The following PRKD1 variants were observed in gnomAD, a reference collection of about 807,000 sequenced individuals.
The protein encoded by PRKD1 is protein kinase D1.
In PRKD1, 63 loss-of-function variants were observed where a neutral mutation model predicts 95.9. The ratio of observed to expected loss-of-function variants is 0.66; its 90% CI spans 0.54 to 0.81. The LOEUF (loss-of-function observed/expected upper bound fraction) is 0.81. Ranked by LOEUF, PRKD1 falls within the 30% of genes least tolerant of loss-of-function variation. PRKD1 has a pLI of 0.00. For missense variants in PRKD1, 1,048 were observed against 1,165.3 expected (o/e 0.90, Z 1.47); for synonymous variants, 425 against 423.1 (o/e 1.00, Z -0.05).
intron 1 of PRKD1, among the ~76,000 whole-genome samples, chr14:29,739,655 A>G (rs1460490660): frequency 6.6e-6 from 1 of 152,194 alleles, no homozygotes; most frequent in Non-Finnish European, 1.5e-5. Context: ...AAATACACAT[A>G]TAACTGGAAC....
rs1027911804 is a variant in PRKD1, at chr14:29,577,038, T to C, written c.*200A>G. 4 of 619,240 alleles carry C rather than the reference T, an allele frequency of 6.5e-6. No individual in the cohort carries two copies. Among genetic ancestry groups the C allele is most frequent in the East Asian group, 2.8e-5 (1 of 35,798 alleles). The allele number at this position is 619,240 out of a possible 1,614,324, so 38.4% of individuals were successfully genotyped here. A position where few individuals can be genotyped will look rare whatever the true frequency, so the allele number is the denominator to read the frequency against. ...TCGTGTTTCAGGGAACTTTTGTTAA[T>C]ACAACACAGTTGGTCACACAAAATA... On this transcript the variant is annotated 3_prime_UTR_variant, in exon 18 of 18. Transcript: ENST00000331968.
intron 1 of PRKD1, among the ~76,000 whole-genome samples, chr14:29,816,244 T>C (rs1026372715): frequency 1.8e-4 from 28 of 152,030 alleles, no homozygotes; most frequent in African/African-American, 6.8e-4. Context: ...AATAAATAAA[T>C]AACAGCTTAG....
intron 1 of PRKD1, among the ~76,000 whole-genome samples, chr14:29,760,289 T>C (rs1487363642): frequency 6.6e-6 from 1 of 151,966 alleles, no homozygotes; most frequent in Admixed American, 6.6e-5. Flanking sequence ...TAAAACAGCG[T>C]CTGGATTTTG....
intron 7 of PRKD1, among the ~76,000 whole-genome samples, chr14:29,635,291 G>A (rs1170864212): frequency 6.6e-6 from 1 of 151,984 alleles, no homozygotes; most frequent in Non-Finnish European, 1.5e-5. Context: ...GAATCTGCTA[G>A]TCTCTGTTTC....
intron 2 of PRKD1, among the ~76,000 whole-genome samples, chr14:29,722,836 G>A (rs759858493): frequency 1.1e-4 from 16 of 152,286 alleles, no homozygotes; most frequent in East Asian, 7.7e-4. Context: ...CCATCAAAGT[G>A]TGGTGTAAGA....
intron 1 of PRKD1, among the ~76,000 whole-genome samples, chr14:29,886,321 A>G (rs1893703922): frequency 6.6e-6 from 1 of 152,208 alleles, no homozygotes; most frequent in Admixed American, 6.5e-5. Flanking sequence ...AATTCTTAGC[A>G]GTGGCTGCCA....
intron 1 of PRKD1, among the ~76,000 whole-genome samples, chr14:29,887,519 G>T (rs1893758238): frequency 6.6e-6 from 1 of 152,042 alleles, no homozygotes; most frequent in Non-Finnish European, 1.5e-5. Flanking sequence ...AACAGCACTG[G>T]GCTGTATGAC....
chr14:29,631,276 G>A (rs897753241), intron 9 of PRKD1, among the ~76,000 whole-genome samples: 3 of 152,096 alleles, frequency 2.0e-5, no homozygotes, highest in African/African-American at 7.2e-5. Context: ...AGTATGGTTA[G>A]GAAAAATGAT....
intron 1 of PRKD1, among the ~76,000 whole-genome samples, chr14:29,772,447 T>C (rs1176552661): frequency 6.6e-6 from 1 of 152,194 alleles, no homozygotes; most frequent in African/African-American, 2.4e-5. Flanking sequence ...TTGTGAGCAA[T>C]ACATTTCTGT....
At chr14:29,757,440 T>G (rs1207921737) in intron 1 of PRKD1, among the ~76,000 whole-genome samples, 1 of 152,060 alleles carries the variant, frequency 6.6e-6, no homozygotes, top group African/African-American at 2.4e-5. Flanking sequence ...AAGCATGACA[T>G]GTAGCTGAGC....
chr14:29,908,315 G>C (rs889731919), intron 1 of PRKD1, among the ~76,000 whole-genome samples: 10 of 151,638 alleles, frequency 6.6e-5, no homozygotes, highest in African/African-American at 2.4e-4. Context: ...TTTTTTTCTT[G>C]AGTCAGAGAC....
intron 1 of PRKD1, among the ~76,000 whole-genome samples, chr14:29,768,353 T>A (rs951939227): frequency 6.6e-6 from 1 of 152,246 alleles, no homozygotes; most frequent in African/African-American, 2.4e-5. Context: ...GATTTGTTCT[T>A]GCATTTTTGG....
At position 29,663,619 on chromosome 14, in the gene PRKD1, T is replaced by C. The variant is rs2139211191; in HGVS notation, c.696+80A>G. 4 of 1,496,586 alleles carry C rather than the reference T, an allele frequency of 2.7e-6. No individual in the cohort carries two copies. The East Asian group carries it at 6.8e-5, about 26-fold the overall frequency. 92.7% of individuals were successfully genotyped at this position (1,496,586 alleles called of 1,614,324 possible). A position where few individuals can be genotyped will look rare whatever the true frequency, so the allele number is the denominator to read the frequency against. ...GGCTGCATTCTCCCTCCTAGCGCCCTGTCTTGGATTGACATTGCTATCACA... is the reference window on the plus strand; with the variant it reads ...GGCTGCATTCTCCCTCCTAGCGCCCCGTCTTGGATTGACATTGCTATCACA... On this transcript the variant is annotated intron_variant, in intron 4 of 17. Transcript: ENST00000331968.
At chr14:29,678,126 G>A (rs1439251891) in intron 2 of PRKD1, among the ~76,000 whole-genome samples, 7 of 151,902 alleles carry the variant, frequency 4.6e-5, no homozygotes, top group Admixed American at 6.6e-5. Context: ...TTATTCTTTC[G>A]TAAGCTTATT....
At chr14:29,732,180 C>T (rs1356002485) in intron 1 of PRKD1, among the ~76,000 whole-genome samples, 1 of 152,044 alleles carries the variant, frequency 6.6e-6, no homozygotes, top group Non-Finnish European at 1.5e-5. Flanking sequence ...ACCAACAATC[C>T]TTACCTTTTA....
intron 16 of PRKD1, among the ~76,000 whole-genome samples, chr14:29,583,292 T>G (rs1328316963): frequency 6.6e-6 from 1 of 152,164 alleles, no homozygotes; most frequent in Non-Finnish European, 1.5e-5. Flanking sequence ...GCCGTTTAAA[T>G]AGCAGAGATG....
At chr14:29,685,281 CTTGA>C (rs1215423194) in intron 2 of PRKD1, among the ~76,000 whole-genome samples, 20 of 152,292 alleles carry the variant, frequency 1.3e-4, no homozygotes, top group African/African-American at 4.3e-4. Context: ...TTGTTTTCAG[CTTGA>C]TTAAGTATGC....
chr14:29,693,440 AC>A (rs1469878857), intron 2 of PRKD1, among the ~76,000 whole-genome samples: 4 of 152,064 alleles, frequency 2.6e-5, no homozygotes, highest in Non-Finnish European at 4.4e-5. Context: ...ATCCCATGGA[AC>A]CCAGAAATCA....
At chr14:29,759,786 A>C (rs139356272) in intron 1 of PRKD1, among the ~76,000 whole-genome samples, 1 of 152,302 alleles carries the variant, frequency 6.6e-6, no homozygotes, top group African/African-American at 2.4e-5. Context: ...AAAGCCTTAG[A>C]TGAAAGTGAA....
Sources: gnomAD v4.1 joint callset for allele counts (sites outside exome capture counted in the v4.1 genomes callset) on GRCh38, gnomAD v4.1.1 for gene constraint, MANE v1.5 for transcripts, NCBI Gene and HGNC (gene_info 2026-07-23, HGNC 2026-07-21) for gene names.